Variants in NBEA observed in about 807,000 individuals in gnomAD.
The protein encoded by NBEA is neurobeachin, also known as lysosomal-trafficking regulator 2.
A neutral mutation model predicts 343.4 loss-of-function variants in NBEA; 44 were observed. The ratio of observed to expected loss-of-function variants is 0.13; its 90% CI spans 0.10 to 0.16. NBEA has a LOEUF of 0.16. Among genes scored for constraint, NBEA ranks in the 10% least tolerant of loss-of-function variants. NBEA has a pLI of 1.00. For missense variants in NBEA, 2,555 were observed against 3,631.3 expected, an observed-to-expected ratio of 0.70 and a Z score of 7.62; for synonymous variants, 1,175 against 1,238.7, an observed-to-expected ratio of 0.95 and a Z score of 1.08.
chr13:35,280,729 T>C (rs991851036), intron 34 of NBEA, among the ~76,000 whole-genome samples: 3 of 152,122 alleles, frequency 2.0e-5, no homozygotes, highest in Admixed American at 6.6e-5. Flanking sequence ...ATCAAATCTT[T>C]GGATGCCTTT....
chr13:35,156,627 C>T (rs189197397), intron 20 of NBEA, among the ~76,000 whole-genome samples: 1 of 152,168 alleles, frequency 6.6e-6, no homozygotes, highest in East Asian at 1.9e-4. Flanking sequence ...AGTCTGAGGC[C>T]ATGAACTCTG....
intron 38 of NBEA, among the ~76,000 whole-genome samples, chr13:35,374,381 C>T (rs546533106): frequency 1.3e-5 from 2 of 152,250 alleles, no homozygotes; most frequent in East Asian, 3.9e-4. Flanking sequence ...CACAGATTAC[C>T]ATAACAGATA....
intron 34 of NBEA, among the ~76,000 whole-genome samples, chr13:35,289,145 CTG>C (rs1243489798): frequency 1.3e-5 from 2 of 151,902 alleles, no homozygotes; most frequent in African/African-American, 4.8e-5. Context: ...GCATTTGAGA[CTG>C]TTTATTGAAA....
At chr13:35,548,893 C>T (rs1286848647) in intron 41 of NBEA, among the ~76,000 whole-genome samples, 3 of 152,114 alleles carry the variant, frequency 2.0e-5, no homozygotes, top group Admixed American at 2.0e-4. Flanking sequence ...CAATTGTCAC[C>T]TGATGCTCAA....
chr13:35,260,275 T>C (rs2033088484), intron 34 of NBEA, among the ~76,000 whole-genome samples: 1 of 152,234 alleles, frequency 6.6e-6, no homozygotes, highest in African/African-American at 2.4e-5. Flanking sequence ...ACATAGTGTT[T>C]TGAAAGAAAA....
intron 36 of NBEA, among the ~76,000 whole-genome samples, chr13:35,313,015 G>T (rs980577970): frequency 6.6e-6 from 1 of 152,096 alleles, no homozygotes; most frequent in African/African-American, 2.4e-5. Flanking sequence ...CAGGTTATTC[G>T]TGGTAAACTG....
chr13:35,633,164 G>A (rs749212335), intron 49 of NBEA, among the ~76,000 whole-genome samples: 5 of 151,566 alleles, frequency 3.3e-5, no homozygotes, highest in East Asian at 4.1e-4. Context: ...GTGCAGTGGC[G>A]CAATCTGGGC....
At chr13:34,992,221 TATGTGTGTGTG>T in intron 1 of NBEA, among the ~76,000 whole-genome samples, 1 of 110,960 alleles carries the variant, frequency 9.0e-6, no homozygotes, top group South Asian at 3.3e-4. Context: ...TGTGTGTGTA[TATGTGTGTGTG>T]TGTGTGTATA....
chr13:35,412,482 A>G (rs1380769247), intron 38 of NBEA, among the ~76,000 whole-genome samples: 2 of 152,090 alleles, frequency 1.3e-5, no homozygotes, highest in Non-Finnish European at 2.9e-5. Context: ...TTTGGCAAAA[A>G]TTTTAACTAT....
intron 7 of NBEA, 65 bp downstream of exon 7, chr13:35,056,194 G>T: frequency 1.3e-5 from 16 of 1,267,306 alleles, no homozygotes; most frequent in Non-Finnish European, 1.6e-5. Flanking sequence ...ATTACAATAT[G>T]AATTAAATAA....
At chr13:35,626,093 A>G (rs2153064209) in intron 48 of NBEA, among the ~76,000 whole-genome samples, 1 of 152,364 alleles carries the variant, frequency 6.6e-6, no homozygotes, top group South Asian at 2.1e-4. Flanking sequence ...GCAATGGGCT[A>G]GTCACACAGT....
chr13:34,962,909 A>G (rs977543423), intron 1 of NBEA, among the ~76,000 whole-genome samples: 4 of 152,090 alleles, frequency 2.6e-5, no homozygotes, highest in Non-Finnish European at 5.9e-5. Flanking sequence ...TATTTTAAAC[A>G]GGACTCTGAA....
chr13:35,582,311 A>T lies in NBEA; in HGVS notation c.7036-1587A>T, dbSNP rs182646524. On this transcript the variant is annotated intron_variant, in intron 45 of 58. Transcript: ENST00000379939. ...AAAAAAATAAACAAATAAATAAAAT[A>T]AAAAAATAAAAAACTCATTACTTCA... Among the ~76,000 whole-genome samples, 846 of 152,194 alleles carry T rather than the reference A, an allele frequency of 5.6e-3. 6 individuals are homozygous for T. Among genetic ancestry groups the T allele is most frequent in the Non-Finnish European group, 8.6e-3 (586 of 67,994 alleles).
chr13:35,116,669 T>TA (rs933645841), intron 13 of NBEA, among the ~76,000 whole-genome samples: 6 of 152,194 alleles, frequency 3.9e-5, no homozygotes, highest in Non-Finnish European at 8.8e-5. Context: ...AAGCAGTAGA[T>TA]AAATACTGGT....
intron 45 of NBEA, among the ~76,000 whole-genome samples, chr13:35,582,307 A>T (rs1175802789): frequency 6.6e-6 from 1 of 152,080 alleles, no homozygotes; most frequent in Non-Finnish European, 1.5e-5. Context: ...CAAATAAATA[A>T]AATAAAAAAA....
intron 41 of NBEA, among the ~76,000 whole-genome samples, chr13:35,526,916 C>T (rs772218733): frequency 4.6e-5 from 7 of 152,172 alleles, no homozygotes; most frequent in Non-Finnish European, 7.4e-5. Context: ...GCAGTGGCGA[C>T]AAGAAGCTGG....
At chr13:35,250,303 A>G (rs1360243478) in intron 34 of NBEA, among the ~76,000 whole-genome samples, 1 of 152,228 alleles carries the variant, frequency 6.6e-6, no homozygotes. Flanking sequence ...GTTGATATCT[A>G]GATTACACAA....
chr13:35,401,341 T>TA (rs1319467938), intron 38 of NBEA, among the ~76,000 whole-genome samples: 1 of 152,016 alleles, frequency 6.6e-6, no homozygotes, highest in Non-Finnish European at 1.5e-5. Flanking sequence ...TAGTAAATGA[T>TA]ATTTTTAAGT....
intron 39 of NBEA, among the ~76,000 whole-genome samples, chr13:35,437,309 A>G (rs532268924): frequency 6.6e-5 from 10 of 152,312 alleles, no homozygotes; most frequent in African/African-American, 2.2e-4. Context: ...TGAGCAAACA[A>G]TCAGAATTGG....
Sources: gnomAD v4.1 joint callset for allele counts (sites outside exome capture counted in the v4.1 genomes callset) on GRCh38, gnomAD v4.1.1 for gene constraint, MANE v1.5 for transcripts, NCBI Gene and HGNC (gene_info 2026-07-23, HGNC 2026-07-21) for gene names.